Variants in TAFA2 observed in about 807,000 individuals in gnomAD.
TAFA2 encodes TAFA chemokine like family member 2.
TAFA2 carries 7 observed loss-of-function variants against 18.8 expected under a neutral mutation model. The observed-to-expected ratio is 0.37, with a 90% CI of 0.21 to 0.70. The LOEUF (loss-of-function observed/expected upper bound fraction) is 0.70, where lower values mean the gene tolerates loss of function less well. Ranked by LOEUF, TAFA2 falls within the 30% of genes least tolerant of loss-of-function variation. The pLI is 0.53. For synonymous variants in TAFA2, 60 were observed against 54.2 expected (o/e 1.11, Z -0.47); for missense variants, 122 against 158.1 (o/e 0.77, Z 1.23).
chr12:61,726,331 C>T lies in TAFA2; in HGVS notation c.385-15914G>A, dbSNP rs562541704. On this transcript the variant is annotated intron_variant, in intron 4 of 4. Coordinates refer to ENST00000416284, the MANE Select transcript of TAFA2 (RefSeq NM_178539.5). ...TTTGTAGATTGCTTTTGGCGGTATG[C>T]TTATTTTCACAATATTGATTCTACC... Among the ~76,000 whole-genome samples the T allele has an allele frequency of 7.6e-4, 116 of 151,838 alleles. 2 individuals carry two copies. Among genetic ancestry groups the T allele is most frequent in the African/African-American group, 2.7e-3 (114 of 41,458 alleles).
intron 1 of TAFA2, among the ~76,000 whole-genome samples, chr12:62,171,341 C>T (rs2062476798): frequency 6.6e-6 from 1 of 152,164 alleles, no homozygotes. Flanking sequence ...GATCCTGTAA[C>T]TTAGGTCCTG....
chr12:62,035,808 C>G (rs1298791094), intron 1 of TAFA2, among the ~76,000 whole-genome samples: 1 of 129,586 alleles, frequency 7.7e-6, no homozygotes, highest in African/African-American at 2.9e-5. Context: ...GTGGCGCGAT[C>G]TCGACTCACT....
chr12:61,735,925 C>CCAATGTAATTGG (rs1330625003), intron 4 of TAFA2, among the ~76,000 whole-genome samples: 6 of 151,956 alleles, frequency 3.9e-5, no homozygotes, highest in African/African-American at 1.4e-4. Context: ...TTTGCTTTTG[C>CCAATGTAATTGG]CAAGCATGCC....
intron 1 of TAFA2, among the ~76,000 whole-genome samples, chr12:62,093,189 G>A (rs1868794854): frequency 6.6e-6 from 1 of 151,870 alleles, no homozygotes; most frequent in South Asian, 2.1e-4. Context: ...TTGAGTCATT[G>A]GTTAGGAGCA....
intron 1 of TAFA2, among the ~76,000 whole-genome samples, chr12:62,168,385 A>T (rs2062454136): frequency 1.3e-5 from 2 of 152,244 alleles, no homozygotes; most frequent in South Asian, 2.1e-4. Context: ...ACTACCAATT[A>T]ACCAAAACAG....
chr12:61,851,506 G>A (rs1001680106), intron 2 of TAFA2, among the ~76,000 whole-genome samples: 2 of 152,074 alleles, frequency 1.3e-5, no homozygotes, highest in Non-Finnish European at 2.9e-5. Flanking sequence ...GCCGGGCGCG[G>A]TGGCTCACGC....
chr12:62,156,863 G>T (rs959858970), intron 1 of TAFA2, among the ~76,000 whole-genome samples: 2 of 151,950 alleles, frequency 1.3e-5, no homozygotes, highest in African/African-American at 4.8e-5. Flanking sequence ...ACTAAATACC[G>T]CCTGTACCCC....
chr12:62,203,744 A>C (rs1245657), intron 1 of TAFA2, among the ~76,000 whole-genome samples: 1 of 152,136 alleles, frequency 6.6e-6, no homozygotes, highest in Non-Finnish European at 1.5e-5. Context: ...CCATGAGCTC[A>C]GTCTCTTGAA....
chr12:62,031,086 C>T (rs998811431), intron 1 of TAFA2, among the ~76,000 whole-genome samples: 8 of 152,018 alleles, frequency 5.3e-5, no homozygotes, highest in South Asian at 2.1e-4. Context: ...GTAAAGGAGT[C>T]GTGGACTGTG....
intron 2 of TAFA2, among the ~76,000 whole-genome samples, chr12:61,815,556 G>C (rs1019210229): frequency 6.6e-6 from 1 of 150,830 alleles, no homozygotes; most frequent in Non-Finnish European, 1.5e-5. Flanking sequence ...TCAGCTACTC[G>C]GGAGGCTGAG....
In TAFA2 at chr12:62,148,021, G is replaced by A. The variant is rs191883257; in HGVS notation, c.-2+43238C>T. On this transcript the variant is annotated intron_variant, in intron 1 of 4. Transcript: ENST00000416284. The stretch of plus-strand genomic sequence containing the variant: ...ATCAAGACCACAATAAGATACCATC[G>A]AACGCCAGTCAGAATGGCTATTACT... Among the ~76,000 whole-genome samples the A allele has an allele frequency of 1.2e-4, 18 of 151,938 alleles. No homozygotes were observed. In the East Asian group the frequency reaches 1.7e-3, roughly 15 times the overall value.
chr12:62,078,006 T>C (rs80318098), intron 1 of TAFA2, among the ~76,000 whole-genome samples: 93 of 152,340 alleles, frequency 6.1e-4, no homozygotes, highest in African/African-American at 2.1e-3. Context: ...TTAGCCCTCC[T>C]ACATTCTCCC....
intron 1 of TAFA2, among the ~76,000 whole-genome samples, chr12:61,890,978 G>T (rs763083808): frequency 6.6e-6 from 1 of 152,142 alleles, no homozygotes; most frequent in Non-Finnish European, 1.5e-5. Context: ...CTATATAGTA[G>T]CACAGATCTG....
upstream of TAFA2, chr12:62,260,014 C>A (rs547806626): frequency 9.8e-4 from 225 of 229,492 alleles, 2 homozygotes; most frequent in African/African-American, 5.0e-3. Flanking sequence ...CCCTACCTCA[C>A]CCTCAAGCGT....
At chr12:61,994,950 C>A (rs180960523) in intron 1 of TAFA2, among the ~76,000 whole-genome samples, 24 of 152,278 alleles carry the variant, frequency 1.6e-4, no homozygotes, top group African/African-American at 4.1e-4. Context: ...CCATTCTAGA[C>A]CATCCTTTTT....
chr12:61,879,987 A>G lies in TAFA2; in HGVS notation c.-1-12561T>C, dbSNP rs1376634229. ...CTGGAAGGGCTGACTGATGAGATCA[A>G]CTTCCTCAGGCAGCTGCATGAAGAG... is the stretch of plus-strand genomic sequence containing the variant. On this transcript the variant is annotated intron_variant, in intron 1 of 4. Coordinates refer to ENST00000416284, the MANE Select transcript of TAFA2 (RefSeq NM_178539.5). The G allele has an allele frequency of 4.9e-6, 4 of 809,746 alleles. No individual in the cohort carries two copies. The East Asian group carries it at 9.8e-5, about 20-fold the overall frequency. 50.2% of individuals were successfully genotyped at this position (809,746 alleles called of 1,614,324 possible). A position where few individuals can be genotyped will look rare whatever the true frequency, so the allele number is the denominator to read the frequency against.
At chr12:61,893,848 G>T in intron 1 of TAFA2, among the ~76,000 whole-genome samples, 1 of 151,992 alleles carries the variant, frequency 6.6e-6, no homozygotes, top group South Asian at 2.1e-4. Flanking sequence ...TAATCACTTA[G>T]GAAAAAAATT....
intron 1 of TAFA2, among the ~76,000 whole-genome samples, chr12:61,989,825 G>A (rs1156916021): frequency 6.6e-6 from 1 of 152,162 alleles, no homozygotes; most frequent in Non-Finnish European, 1.5e-5. Context: ...ACCCATGCTG[G>A]AGCCTGCCCA....
chr12:62,020,166 T>C (rs999415191), intron 1 of TAFA2, among the ~76,000 whole-genome samples: 2 of 152,188 alleles, frequency 1.3e-5, no homozygotes, highest in Non-Finnish European at 2.9e-5. Flanking sequence ...AATGCCAAGT[T>C]CTATACTGGT....
Sources: gnomAD v4.1 joint callset for allele counts (sites outside exome capture counted in the v4.1 genomes callset) on GRCh38, gnomAD v4.1.1 for gene constraint, MANE v1.5 for transcripts, NCBI Gene and HGNC (gene_info 2026-07-23, HGNC 2026-07-21) for gene names.